The following ADAP1 variants were observed in gnomAD, a reference collection of about 807,000 sequenced individuals.
ADAP1 encodes arf-GAP with dual PH domain-containing protein 1.
In ADAP1, 31 loss-of-function variants were observed where a neutral mutation model predicts 54.9. The ratio of observed to expected loss-of-function variants is 0.56; its 90% CI spans 0.42 to 0.76. ADAP1 has a LOEUF of 0.76. Ranked by LOEUF, ADAP1 falls within the 30% of genes least tolerant of loss-of-function variation. The pLI is 0.00. For synonymous variants in ADAP1, 313 were observed against 202.6 expected, an observed-to-expected ratio of 1.55 and a Z score of -4.63; for missense variants, 535 against 512.4, an observed-to-expected ratio of 1.04 and a Z score of -0.42.
In ADAP1 at chr7:917,485, G is replaced by A. The variant is rs552017237; in HGVS notation, c.388+2483C>T. Among the ~76,000 whole-genome samples the A allele has an allele frequency of 3.9e-5, 6 of 152,288 alleles. No individual in the cohort carries two copies. In the East Asian group the frequency reaches 1.2e-3, roughly 29 times the overall value. On this transcript the variant is annotated intron_variant, in intron 4 of 10. Transcript: ENST00000265846. Reference sequence around the variant, plus strand: ...GCCGCCTCTCTTTCACATATTTTGAGACAGACTTTTGCTCTGCCGCCCAGG... The same window carrying A: ...GCCGCCTCTCTTTCACATATTTTGAAACAGACTTTTGCTCTGCCGCCCAGG...
chr7:940,449 C>T (rs529433629), intron 1 of ADAP1, among the ~76,000 whole-genome samples: 1 of 151,878 alleles, frequency 6.6e-6, no homozygotes, highest in Non-Finnish European at 1.5e-5. Flanking sequence ...GAGACAGGAG[C>T]AACACAAGGT....
In ADAP1 at chr7:938,284, G is replaced by A. The variant is rs560962830; in HGVS notation, c.83-2779C>T. 5.3e-5 allele frequency among the ~76,000 whole-genome samples: 8 copies of A among 152,258 alleles called. No individual in the cohort carries two copies. The highest frequency in any genetic ancestry group is 1.7e-4 in the African/African-American group (7 of 41,560). On this transcript the variant is annotated intron_variant, in intron 1 of 10. Transcript: ENST00000265846. This position sits in a 1 kb window ranked among gnomAD's most constrained non-coding sequence, Gnocchi z 4.4. ...CAGCCTCCAACGCCTGGGCTCAAGC[G>A]ATCCTCCTGCCTCAGCCTTCCAAGT...
In ADAP1 at chr7:945,258, C is replaced by A. The variant is rs565508097; in HGVS notation, c.82+9138G>T. Among the ~76,000 whole-genome samples, 1 of 152,316 alleles carries A rather than the reference C, an allele frequency of 6.6e-6. No homozygotes were observed. Among genetic ancestry groups the A allele is most frequent in the Non-Finnish European group, 1.5e-5 (1 of 68,032 alleles). ...GCATCCGCAAATGCCCGCAGCCCAT[C>A]GGAGCGAAAAGGGGCGGGGCACGCA... is the stretch of plus-strand genomic sequence containing the variant. On this transcript the variant is annotated intron_variant, in intron 1 of 10. Transcript: ENST00000265846. The surrounding 1 kb of genome is among the most constrained non-coding windows in gnomAD (Gnocchi z 4.2).
intron 2 of ADAP1, 98 bp downstream of exon 2, chr7:935,276 AG>A: frequency 6.8e-7 from 1 of 1,464,116 alleles, no homozygotes; most frequent in Non-Finnish European, 9.2e-7. Flanking sequence ...CCAAGGCTCC[AG>A]GGGCCACAGC....
chr7:908,147 A>C (rs1845557784), intron 4 of ADAP1, among the ~76,000 whole-genome samples: 1 of 152,078 alleles, frequency 6.6e-6, no homozygotes, highest in Admixed American at 6.5e-5. Flanking sequence ...CAGGGACGCG[A>C]GGGGGCTGTG....
chr7:919,578 T>C (rs905000270), intron 4 of ADAP1, among the ~76,000 whole-genome samples: 7 of 136,298 alleles, frequency 5.1e-5, no homozygotes, highest in Non-Finnish European at 9.5e-5. Flanking sequence ...GAGGATGAGA[T>C]AGACGTGAAG....
At chr7:927,181 G>C (rs866576704) in intron 2 of ADAP1, 1 of 1,296,940 alleles carries the variant, frequency 7.7e-7, no homozygotes, top group Non-Finnish European at 1.0e-6. Context: ...CAGGGACCCA[G>C]AACATGTTTA....
intron 1 of ADAP1, among the ~76,000 whole-genome samples, chr7:940,721 G>A (rs566864874): frequency 6.6e-6 from 1 of 152,100 alleles, no homozygotes; most frequent in East Asian, 1.9e-4. Flanking sequence ...AAATCAAAAT[G>A]TAGGTCCATA....
intron 1 of ADAP1, among the ~76,000 whole-genome samples, chr7:941,824 C>T (rs1367571477): frequency 6.6e-6 from 1 of 152,008 alleles, no homozygotes; most frequent in African/African-American, 2.4e-5. Context: ...TGCAAAGGAC[C>T]TAGAATAGCT....
chr7:935,468 G>C lies in ADAP1; in HGVS notation c.120C>G (p.Ile40Met), dbSNP rs1250045804. Residue 40 changes from isoleucine (I) to methionine (M), a missense_variant, in exon 2 of 11, where the codon ATC becomes ATG. Ile to Met is a conservative substitution (Grantham distance 10). Transcript: ENST00000265846. ...DWASYTLGVF[I>M]CLSCSGIHRN... ...GGTGGATTCCCGAGCAGCTCAGGCA[G>C]ATGAAGACGCCCAGAGTGTAGGAGG... The C allele has an allele frequency of 1.3e-6, 2 of 1,563,300 alleles. No individual in the cohort carries two copies. The highest frequency in any genetic ancestry group is 3.8e-5 in the Admixed American group (2 of 52,484).
chr7:905,782 A>AGAAGGGAGAAG (rs1845222864), intron 4 of ADAP1, among the ~76,000 whole-genome samples: 1 of 30,212 alleles, frequency 3.3e-5, no homozygotes, highest in African/African-American at 1.5e-4. Context: ...GAAAGGAGAA[A>AGAAGGGAGAAG]GGAGAAAGGA....
chr7:912,740 G>A (rs999070699), intron 4 of ADAP1, among the ~76,000 whole-genome samples: 2 of 152,154 alleles, frequency 1.3e-5, no homozygotes, highest in Non-Finnish European at 2.9e-5. Context: ...TCTCGCTGTT[G>A]CCCAGGCTGG....
intron 6 of ADAP1, among the ~76,000 whole-genome samples, chr7:903,721 G>A (rs984354721): frequency 3.3e-5 from 5 of 152,070 alleles, no homozygotes; most frequent in Admixed American, 2.6e-4. Context: ...CCCAGAGCCG[G>A]CTACCGTCCA....
chr7:911,343 T>G (rs906549589), intron 4 of ADAP1, among the ~76,000 whole-genome samples: 2 of 152,080 alleles, frequency 1.3e-5, no homozygotes, highest in African/African-American at 2.4e-5. Context: ...CACAGCGCCT[T>G]CCTGCCCAGA....
intron 3 of ADAP1, among the ~76,000 whole-genome samples, chr7:923,717 C>T (rs1467048552): frequency 1.3e-5 from 2 of 152,144 alleles, no homozygotes; most frequent in African/African-American, 2.4e-5. Flanking sequence ...CAGGGCATGG[C>T]GTGGGGGGCC....
In ADAP1 at chr7:945,619, G is replaced by A; in HGVS notation, c.82+8777C>T. The A allele has an allele frequency of 3.8e-6, 2 of 520,214 alleles. No individual in the cohort carries two copies. Among genetic ancestry groups the A allele is most frequent in the Non-Finnish European group, 4.9e-6 (2 of 404,654 alleles). 32.2% of individuals were successfully genotyped at this position (520,214 alleles called of 1,614,324 possible). The stretch of plus-strand genomic sequence containing the variant: ...GTGGAGATGGAGGCCCTGAGTGCCA[G>A]GTAGGGAGGGGCAGGCCCAAGACTC... On this transcript the variant is annotated intron_variant, in intron 1 of 10. Coordinates refer to ENST00000265846, the MANE Select transcript of ADAP1 (RefSeq NM_006869.4). The surrounding 1 kb of genome is among the most constrained non-coding windows in gnomAD (Gnocchi z 4.2).
chr7:923,105 C>G (rs1479132959), intron 3 of ADAP1: 2 of 152,076 alleles, frequency 1.3e-5, no homozygotes, highest in African/African-American at 4.8e-5. Flanking sequence ...GAGGAAGCAC[C>G]CCGGAGAGGC....
Position 920,130 on chromosome 7 carries a change from G to T in ADAP1, c.306-80C>A. The T allele has an allele frequency of 7.3e-7, 1 of 1,361,662 alleles. No homozygotes were observed. The highest frequency in any genetic ancestry group is 1.2e-5 in the South Asian group (1 of 82,100). The allele number at this position is 1,361,662 out of a possible 1,614,324, so 84.3% of individuals were successfully genotyped here. On this transcript the variant is annotated intron_variant, in intron 3 of 10. Transcript: ENST00000265846. This position sits in a 1 kb window ranked among gnomAD's most constrained non-coding sequence, Gnocchi z 4.5. ...CACGCCGCTCTCTGGCCCGGACCCT[G>T]GACATCTCAAGAGGCTCATAGGGAC...
chr7:938,801 G>A lies in ADAP1; in HGVS notation c.83-3296C>T, dbSNP rs1846856099. Among the ~76,000 whole-genome samples, 1 of 152,216 alleles carries A rather than the reference G, an allele frequency of 6.6e-6. No homozygotes were observed. Among genetic ancestry groups the A allele is most frequent in the Non-Finnish European group, 1.5e-5 (1 of 68,032 alleles). On this transcript the variant is annotated intron_variant, in intron 1 of 10. Transcript: ENST00000265846. This position sits in a 1 kb window ranked among gnomAD's most constrained non-coding sequence, Gnocchi z 4.4. The stretch of plus-strand genomic sequence containing the variant: ...CTTCTCACCGCATGGCAATGCTGTT[G>A]GTTCTGCTCCGACAGTGTGGACCAC...
Sources: allele counts gnomAD v4.1 joint callset (sites outside exome capture counted in the v4.1 genomes callset), GRCh38; gene constraint gnomAD v4.1.1; non-coding constraint Gnocchi (gnomAD v3.1); transcripts MANE v1.5; gene names NCBI Gene and HGNC (gene_info 2026-07-23, HGNC 2026-07-21).